The following CADM2 variants were observed in gnomAD, a reference collection of about 807,000 sequenced individuals.
CADM2 encodes the protein cell adhesion molecule 2, also known as immunoglobulin superfamily member 4D.
In CADM2, 12 loss-of-function variants were observed where a neutral mutation model predicts 49.8. That is an observed-to-expected ratio of 0.24 (90% CI 0.15 to 0.39). The LOEUF is 0.39. Among genes scored for constraint, CADM2 ranks in the 10% least tolerant of loss-of-function variants. The pLI is 1.00. For synonymous variants in CADM2, 214 were observed against 175.4 expected, an observed-to-expected ratio of 1.22 and a Z score of -1.74; for missense variants, 378 against 492.3, an observed-to-expected ratio of 0.77 and a Z score of 2.20.
chr3:85,838,187 C>T (rs918407735), intron 3 of CADM2, among the ~76,000 whole-genome samples: 3 of 151,842 alleles, frequency 2.0e-5, no homozygotes, highest in Non-Finnish European at 4.4e-5. Context: ...CATTAAATCA[C>T]TTGCAATCTA....
At chr3:85,295,500 A>G (rs2043934512) in intron 1 of CADM2, among the ~76,000 whole-genome samples, 1 of 152,170 alleles carries the variant, frequency 6.6e-6, no homozygotes, top group Non-Finnish European at 1.5e-5. Context: ...ATGTATGTTT[A>G]TTGCGGCATT....
chr3:85,581,064 C>T (rs1019671588), intron 1 of CADM2, among the ~76,000 whole-genome samples: 2 of 151,980 alleles, frequency 1.3e-5, no homozygotes, highest in Admixed American at 6.6e-5. Context: ...ATTATCATTA[C>T]ATGAAATGTT....
At chr3:85,687,878 G>C (rs868243855) in intron 1 of CADM2, among the ~76,000 whole-genome samples, 1 of 152,184 alleles carries the variant, frequency 6.6e-6, no homozygotes. Flanking sequence ...GTGAGCGGGC[G>C]AGCGAGCATT....
intron 1 of CADM2, among the ~76,000 whole-genome samples, chr3:85,164,867 T>C (rs1426711020): frequency 6.6e-6 from 1 of 152,044 alleles, no homozygotes; most frequent in East Asian, 1.9e-4. Context: ...TAAGAGCATG[T>C]GAGTTTTTTT....
At chr3:85,308,288 T>C (rs187115826) in intron 1 of CADM2, among the ~76,000 whole-genome samples, 26 of 146,090 alleles carry the variant, frequency 1.8e-4, no homozygotes, top group African/African-American at 6.4e-4. Context: ...TATTTAAATA[T>C]CTATATCTAT....
rs149434424 is a variant in CADM2 at position 85,681,434 on chromosome 3, T to A, written c.62-45088T>A. 4.7e-3 allele frequency among the ~76,000 whole-genome samples: 713 copies of A among 152,234 alleles called. 8 individuals are homozygous for A. Among genetic ancestry groups the A allele is most frequent in the African/African-American group, 0.017 (687 of 41,574 alleles). Reference sequence around the variant, plus strand: ...TGCAGGTGAGGTTAAAATTTTTCCATCTATAACAAAATTTAATGAACATAT... The same window carrying A: ...TGCAGGTGAGGTTAAAATTTTTCCAACTATAACAAAATTTAATGAACATAT... On this transcript the variant is annotated intron_variant, in intron 1 of 9. Transcript: ENST00000383699.
chr3:85,131,064 A>T (rs2039211751), intron 1 of CADM2, among the ~76,000 whole-genome samples: 1 of 152,160 alleles, frequency 6.6e-6, no homozygotes, highest in Admixed American at 6.5e-5. Context: ...CTGTAATTCC[A>T]GCTACTCAGG....
chr3:85,492,462 C>T (rs1384971888), intron 1 of CADM2, among the ~76,000 whole-genome samples: 6 of 151,890 alleles, frequency 4.0e-5, no homozygotes, highest in African/African-American at 1.2e-4. Flanking sequence ...CATGATAGTG[C>T]GTGCCTGTAG....
intron 1 of CADM2, among the ~76,000 whole-genome samples, chr3:85,576,742 C>A (rs958319373): frequency 6.6e-6 from 1 of 152,114 alleles, no homozygotes; most frequent in Non-Finnish European, 1.5e-5. Context: ...TTATACATTT[C>A]TCCCCTAACC....
At chr3:85,777,658 C>T (rs73845658) in intron 2 of CADM2, among the ~76,000 whole-genome samples, 7,739 of 152,230 alleles carry the variant, frequency 0.051, 557 homozygotes, top group African/African-American at 0.16. Flanking sequence ...CATTTCAATA[C>T]ACCTGATTTA....
intron 1 of CADM2, among the ~76,000 whole-genome samples, chr3:85,611,319 T>C (rs2063676949): frequency 6.6e-6 from 1 of 151,852 alleles, no homozygotes; most frequent in Admixed American, 6.6e-5. Flanking sequence ...GCAATATGCC[T>C]CCATTAATGG....
At chr3:85,077,363 T>C (rs184003040) in intron 1 of CADM2, among the ~76,000 whole-genome samples, 205 of 152,246 alleles carry the variant, frequency 1.3e-3, no homozygotes, top group African/African-American at 4.5e-3. Context: ...TTTTTCTTAT[T>C]GTCATAAAAT....
intron 3 of CADM2, among the ~76,000 whole-genome samples, chr3:85,836,588 ATG>A (rs2074419960): frequency 1.3e-5 from 2 of 151,496 alleles, no homozygotes. Context: ...ATTTCACTGG[ATG>A]TGTGTGGCAT....
intron 1 of CADM2, among the ~76,000 whole-genome samples, chr3:85,133,475 C>T (rs1441032166): frequency 6.6e-6 from 1 of 151,956 alleles, no homozygotes; most frequent in African/African-American, 2.4e-5. Flanking sequence ...GATACAGTGT[C>T]GATTGGTGCA....
At chr3:85,780,542 C>T (rs1417940604) in intron 2 of CADM2, among the ~76,000 whole-genome samples, 1 of 152,166 alleles carries the variant, frequency 6.6e-6, no homozygotes, top group Non-Finnish European at 1.5e-5. Context: ...TTCTTGAAAA[C>T]TGTTGGTTAC....
At chr3:85,926,149 T>C (rs1394747972) in intron 6 of CADM2, among the ~76,000 whole-genome samples, 1 of 88,468 alleles carries the variant, frequency 1.1e-5, no homozygotes, top group Non-Finnish European at 2.1e-5. Context: ...AATAAATAAA[T>C]AAATAAATAA....
Position 85,500,769 on chromosome 3 carries a change from G to A in CADM2, c.62-225753G>A, listed in dbSNP as rs558638408. On this transcript the variant is annotated intron_variant, in intron 1 of 9. Coordinates refer to ENST00000383699, the MANE Select transcript of CADM2 (RefSeq NM_001167675.2). ...CCTGACCTCGTGATCCGCTTGCCTC[G>A]GCCTCCCAAAGTTCTGGGATTACAG... 3.3e-4 allele frequency among the ~76,000 whole-genome samples: 50 copies of A among 151,998 alleles called. 1 individual carries two copies. In the South Asian group the frequency reaches 7.9e-3, roughly 24 times the overall value.
At chr3:85,695,835 T>C (rs1195580927) in intron 1 of CADM2, among the ~76,000 whole-genome samples, 1 of 152,106 alleles carries the variant, frequency 6.6e-6, no homozygotes, top group Non-Finnish European at 1.5e-5. Context: ...AATCTCCATA[T>C]TGTTTTCCAT....
intron 1 of CADM2, among the ~76,000 whole-genome samples, chr3:85,168,207 A>G (rs2107679862): frequency 6.6e-6 from 1 of 152,074 alleles, no homozygotes; most frequent in South Asian, 2.1e-4. Context: ...AGGCACTCAC[A>G]GCCATGCCTA....
Sources: gnomAD v4.1 joint callset for allele counts (sites outside exome capture counted in the v4.1 genomes callset) on GRCh38, gnomAD v4.1.1 for gene constraint, MANE v1.5 for transcripts, NCBI Gene and HGNC (gene_info 2026-07-23, HGNC 2026-07-21) for gene names.